RASGRF2: variants seen among roughly 807,000 people sequenced by gnomAD.
The protein encoded by RASGRF2 is Ras protein specific guanine nucleotide releasing factor 2.
RASGRF2 carries 76 observed loss-of-function variants against 151.0 expected under a neutral mutation model. That is an observed-to-expected ratio of 0.50 (90% confidence interval 0.42 to 0.61). The LOEUF (loss-of-function observed/expected upper bound fraction) is 0.61, where lower values mean the gene tolerates loss of function less well. RASGRF2 is among the 20% of genes least tolerant of loss of function. The pLI is 0.00. For synonymous variants in RASGRF2, 504 were observed against 566.5 expected (o/e 0.89, Z 1.57); for missense variants, 1,148 against 1,564.6 (o/e 0.73, Z 4.49).
rs575647502 is a variant in RASGRF2 at position 81,116,066 on chromosome 5, C to CTTTTTTTTTTTTTT, written c.2470+2167_2470+2180dup. ...TAATCACTAGTGGTGAATGCCATTT[C>CTTTTTTTTTTTTTT]TTTTTTTTTTTTTTTTTTTTTTTTT... On this transcript the variant is annotated intron_variant, in intron 15 of 26. Transcript: ENST00000265080. 1.4e-4 allele frequency among the ~76,000 whole-genome samples: 7 copies of CTTTTTTTTTTTTTT among 49,064 alleles called. 1 individual carries two copies. Among genetic ancestry groups the CTTTTTTTTTTTTTT allele is most frequent in the South Asian group, 1.1e-3 (1 of 910 alleles). 32.2% of individuals were successfully genotyped at this position (49,064 alleles called of 152,430 possible).
chr5:81,102,980 A>G (rs1752741348), intron 12 of RASGRF2, among the ~76,000 whole-genome samples: 1 of 152,188 alleles, frequency 6.6e-6, no homozygotes, highest in Non-Finnish European at 1.5e-5. Flanking sequence ...TAGCGCTACA[A>G]GAACCTGAAG....
intron 4 of RASGRF2, among the ~76,000 whole-genome samples, chr5:81,071,721 C>G (rs980323563): frequency 1.3e-5 from 2 of 151,946 alleles, no homozygotes; most frequent in Non-Finnish European, 2.9e-5. Context: ...AAAATCCCAT[C>G]TAGTCAGTCT....
intron 1 of RASGRF2, among the ~76,000 whole-genome samples, chr5:80,989,908 C>A (rs1580172794): frequency 6.6e-6 from 1 of 152,088 alleles, no homozygotes; most frequent in African/African-American, 2.4e-5. Context: ...GATGGTGAGC[C>A]CTTGGAGAGC....
chr5:81,169,766 C>T lies in RASGRF2; in HGVS notation c.2687-10409C>T, dbSNP rs115952650. ...CCCCTCCATCACCAATGATTCTTAC[C>T]ATCTACAGCCACAGCCTTTGCCCAA... On this transcript the variant is annotated intron_variant, in intron 17 of 26. Coordinates refer to ENST00000265080, the MANE Select transcript of RASGRF2 (RefSeq NM_006909.3). Among the ~76,000 whole-genome samples, 1,488 of 152,252 alleles carry T rather than the reference C, an allele frequency of 9.8e-3. 28 individuals carry two copies. Among genetic ancestry groups the T allele is most frequent in the African/African-American group, 0.034 (1,427 of 41,518 alleles).
chr5:80,985,693 A>T (rs780102966), intron 1 of RASGRF2, among the ~76,000 whole-genome samples: 1 of 152,170 alleles, frequency 6.6e-6, no homozygotes, highest in Non-Finnish European at 1.5e-5. Flanking sequence ...TTTCCCACTA[A>T]AATAATTTCC....
intron 2 of RASGRF2, among the ~76,000 whole-genome samples, chr5:81,043,804 T>C (rs539893039): frequency 7.9e-4 from 120 of 152,304 alleles, no homozygotes; most frequent in Non-Finnish European, 1.6e-3. Flanking sequence ...TTTCTTCACC[T>C]GATGAGCCTT....
intron 1 of RASGRF2, among the ~76,000 whole-genome samples, chr5:80,990,218 G>GTTTTTTTTTTTT (rs10558206): frequency 1.5e-5 from 2 of 137,926 alleles, no homozygotes; most frequent in Non-Finnish European, 1.6e-5. Flanking sequence ...ACTGCCAGAT[G>GTTTTTTTTTTTT]TTTTTTTTTT....
chr5:81,168,842 A>G (rs1754576875), intron 17 of RASGRF2, among the ~76,000 whole-genome samples: 1 of 152,150 alleles, frequency 6.6e-6, no homozygotes, highest in South Asian at 2.1e-4. Flanking sequence ...TCAACCTCTC[A>G]GTGGCATTTG....
In RASGRF2 at chr5:81,030,313, C is replaced by T. The variant is rs908906636; in HGVS notation, c.289-12564C>T. Among the ~76,000 whole-genome samples, 3 of 152,150 alleles carry T rather than the reference C, an allele frequency of 2.0e-5. No homozygotes were observed. In the South Asian group the frequency reaches 6.2e-4, roughly 32 times the overall value. Reference sequence around the variant, plus strand: ...AAATACAGAGAGTGCCACAAAGATACTCCTCGAGAAGAGCAACTCCAAGAC... The same window carrying T: ...AAATACAGAGAGTGCCACAAAGATATTCCTCGAGAAGAGCAACTCCAAGAC... On this transcript the variant is annotated intron_variant, in intron 1 of 26. Coordinates refer to ENST00000265080, the MANE Select transcript of RASGRF2 (RefSeq NM_006909.3).
chr5:80,986,820 C>T (rs1748485918), intron 1 of RASGRF2, among the ~76,000 whole-genome samples: 1 of 152,160 alleles, frequency 6.6e-6, no homozygotes, highest in African/African-American at 2.4e-5. Context: ...GCCATGGCAC[C>T]TGTTTCTCTA....
At chr5:80,984,974 C>T (rs1000845326) in intron 1 of RASGRF2, among the ~76,000 whole-genome samples, 5 of 152,116 alleles carry the variant, frequency 3.3e-5, no homozygotes, top group South Asian at 2.1e-4. Context: ...CTTTGGGAGG[C>T]GAAGGCGAGT....
intron 19 of RASGRF2, chr5:81,204,005 C>G (rs1309161909): frequency 6.6e-6 from 1 of 152,260 alleles, no homozygotes; most frequent in Non-Finnish European, 1.5e-5. Context: ...AGGACAGACA[C>G]TGGTTGCTTG....
At chr5:81,224,591 T>G (rs1243757206) in intron 26 of RASGRF2, among the ~76,000 whole-genome samples, 1 of 152,238 alleles carries the variant, frequency 6.6e-6, no homozygotes, top group Non-Finnish European at 1.5e-5. Flanking sequence ...GTATAAAATG[T>G]TCATAACATT....
chr5:81,215,499 G>T (rs1473199111), intron 23 of RASGRF2, among the ~76,000 whole-genome samples: 2 of 151,998 alleles, frequency 1.3e-5, no homozygotes, highest in African/African-American at 4.8e-5. Context: ...TCAAACTCCT[G>T]GCCTCAGGTG....
In RASGRF2 at chr5:81,086,729, C is replaced by A. The variant is rs979817025; in HGVS notation, c.1272-106C>A. The A allele has an allele frequency of 4.5e-6, 4 of 892,106 alleles. No individual in the cohort carries two copies. The South Asian group carries it at 4.9e-5, about 11-fold the overall frequency. The allele number at this position is 892,106 out of a possible 1,614,324, so 55.3% of individuals were successfully genotyped here. On this transcript the variant is annotated intron_variant, in intron 8 of 26. Transcript: ENST00000265080. The stretch of plus-strand genomic sequence containing the variant: ...ATTTCCCCCAAACCCCCGGTTCAAT[C>A]GATACAAGCTTGCAACCGAGCTTCT...
At chr5:81,112,966 A>C in intron 14 of RASGRF2, 108 bp downstream of exon 14, 1 of 1,411,362 alleles carries the variant, frequency 7.1e-7, no homozygotes, top group Non-Finnish European at 9.6e-7. Flanking sequence ...CCTAGGGTGT[A>C]CTAGCTTGCC....
At chr5:81,134,610 T>C (rs1167550626) in intron 17 of RASGRF2, among the ~76,000 whole-genome samples, 1 of 152,202 alleles carries the variant, frequency 6.6e-6, no homozygotes, top group African/African-American at 2.4e-5. Flanking sequence ...GGCTCTTTAG[T>C]TGATTCTGAT....
At chr5:81,171,173 C>T (rs1247131148) in intron 17 of RASGRF2, among the ~76,000 whole-genome samples, 3 of 152,186 alleles carry the variant, frequency 2.0e-5, no homozygotes, top group Non-Finnish European at 4.4e-5. Flanking sequence ...CATACGCAGG[C>T]GCATGCTCAT....
At chr5:80,974,311 C>T (rs1748038551) in intron 1 of RASGRF2, among the ~76,000 whole-genome samples, 1 of 152,226 alleles carries the variant, frequency 6.6e-6, no homozygotes, top group African/African-American at 2.4e-5. Context: ...TGGCAACAAC[C>T]GAAAAGTCAG....
Sources: allele counts gnomAD v4.1 joint callset (sites outside exome capture counted in the v4.1 genomes callset), GRCh38; gene constraint gnomAD v4.1.1; transcripts MANE v1.5; gene names NCBI Gene and HGNC (gene_info 2026-07-23, HGNC 2026-07-21).